SLC39A11: variants seen among roughly 807,000 people sequenced by gnomAD.
SLC39A11 encodes the protein zinc transporter ZIP11.
In SLC39A11, 33 loss-of-function variants were observed where a neutral mutation model predicts 36.1. The observed-to-expected ratio is 0.91, with a 90% CI of 0.69 to 1.22. The LOEUF is 1.22. SLC39A11 is among the 50% of genes most tolerant of loss of function. The pLI is 0.00. For synonymous variants in SLC39A11, 166 were observed against 170.3 expected (o/e 0.97, Z 0.20); for missense variants, 432 against 430.3 (o/e 1.00, Z -0.03).
intron 7 of SLC39A11, among the ~76,000 whole-genome samples, chr17:72,662,379 AAAG>A (rs2070469364): frequency 6.6e-6 from 1 of 151,154 alleles, no homozygotes; most frequent in African/African-American, 2.4e-5. Context: ...AAGGAAAAGA[AAAG>A]AAAGAAAAGG....
intron 5 of SLC39A11, among the ~76,000 whole-genome samples, chr17:72,871,033 T>G (rs1008234700): frequency 1.1e-4 from 16 of 151,044 alleles, no homozygotes; most frequent in South Asian, 2.1e-4. Flanking sequence ...TTTTGGTTTT[T>G]TTTGTTTGTT....
chr17:73,052,474 TGA>T (rs2059537921), intron 3 of SLC39A11, among the ~76,000 whole-genome samples: 1 of 149,058 alleles, frequency 6.7e-6, no homozygotes, highest in Non-Finnish European at 1.5e-5. Flanking sequence ...GAGAGGAGAG[TGA>T]GAGATTAAGT....
At chr17:73,025,283 T>C (rs1447514673) in intron 4 of SLC39A11, among the ~76,000 whole-genome samples, 1 of 151,946 alleles carries the variant, frequency 6.6e-6, no homozygotes. Context: ...TTGGGCAGCC[T>C]CCTCAAGATA....
intron 5 of SLC39A11, among the ~76,000 whole-genome samples, chr17:72,863,198 T>A (rs2080132426): frequency 6.6e-6 from 1 of 152,154 alleles, no homozygotes; most frequent in Non-Finnish European, 1.5e-5. Context: ...GTGGGGATCT[T>A]CACTTGGGCA....
At chr17:72,714,870 T>C (rs1249776317) in intron 7 of SLC39A11, among the ~76,000 whole-genome samples, 1 of 152,218 alleles carries the variant, frequency 6.6e-6, no homozygotes, top group Non-Finnish European at 1.5e-5. Flanking sequence ...AACGTGGCCG[T>C]ACTTGTGAAG....
chr17:72,861,679 ATATATATAT>A (rs1195496669), intron 5 of SLC39A11, among the ~76,000 whole-genome samples: 3 of 123,554 alleles, frequency 2.4e-5, no homozygotes, highest in Non-Finnish European at 5.0e-5. Context: ...ATATATATAT[ATATATATAT>A]AAAATATATA....
At chr17:72,908,991 C>A (rs993220573) in intron 5 of SLC39A11, among the ~76,000 whole-genome samples, 1 of 152,196 alleles carries the variant, frequency 6.6e-6, no homozygotes, top group African/African-American at 2.4e-5. Flanking sequence ...CAAACGGAAC[C>A]CCAAAGCTAA....
At chr17:72,803,934 G>T (rs976635869) in intron 6 of SLC39A11, among the ~76,000 whole-genome samples, 42 of 147,968 alleles carry the variant, frequency 2.8e-4, no homozygotes, top group Admixed American at 6.2e-4. Flanking sequence ...TCTTACACAT[G>T]AATACCCTAT....
chr17:72,705,790 T>C (rs949242883), intron 7 of SLC39A11, among the ~76,000 whole-genome samples: 3 of 152,244 alleles, frequency 2.0e-5, no homozygotes, highest in Non-Finnish European at 2.9e-5. Context: ...ACTGTGAGCC[T>C]ACCGTCGACA....
chr17:72,921,511 A>G (rs2147263220), intron 5 of SLC39A11, among the ~76,000 whole-genome samples: 1 of 152,362 alleles, frequency 6.6e-6, no homozygotes, highest in South Asian at 2.1e-4. Flanking sequence ...TATAGTATGA[A>G]GAATGCATGA....
At chr17:72,721,498 G>A (rs1373513991) in intron 7 of SLC39A11, among the ~76,000 whole-genome samples, 3 of 152,138 alleles carry the variant, frequency 2.0e-5, no homozygotes, top group African/African-American at 7.2e-5. Context: ...GTCCATGTGT[G>A]ATGATTCAAG....
intron 4 of SLC39A11, among the ~76,000 whole-genome samples, chr17:72,972,394 C>A (rs1224719795): frequency 1.3e-5 from 2 of 152,136 alleles, no homozygotes; most frequent in African/African-American, 4.8e-5. Context: ...CCGATCCAAT[C>A]GTAAACCTAA....
At chr17:72,810,952 C>T (rs1405926251) in intron 6 of SLC39A11, among the ~76,000 whole-genome samples, 1 of 152,046 alleles carries the variant, frequency 6.6e-6, no homozygotes, top group Non-Finnish European at 1.5e-5. Context: ...CCTTGGCCTC[C>T]CAAAATGCTG....
chr17:72,682,238 G>C (rs2071539711), intron 7 of SLC39A11, among the ~76,000 whole-genome samples: 1 of 152,112 alleles, frequency 6.6e-6, no homozygotes, highest in Non-Finnish European at 1.5e-5. Flanking sequence ...CAATGTGATT[G>C]TAATAAAAAT....
rs138322291 is a variant in SLC39A11, at chr17:72,868,070, C to G, written c.431-18266G>C. Among the ~76,000 whole-genome samples the G allele has an allele frequency of 2.6e-4, 40 of 152,372 alleles. No individual in the cohort carries two copies. The East Asian group carries it at 7.5e-3, about 29-fold the overall frequency. On this transcript the variant is annotated intron_variant, in intron 5 of 9. Coordinates refer to ENST00000255559, the MANE Select transcript of SLC39A11 (RefSeq NM_139177.4). The stretch of plus-strand genomic sequence containing the variant: ...ATAGAAGTTTTCCTACTCACACACC[C>G]TGGGCAAAGCCCTGATCACTTGTGG...
rs921273633 is a variant in SLC39A11 at position 72,646,846 on chromosome 17, C to T, written c.*738G>A. ...GGAATCCATTGACAGCAGAGGCCTCCGAACAAACCCACACTCTGTCTGTCT... is the reference window on the plus strand; with the variant it reads ...GGAATCCATTGACAGCAGAGGCCTCTGAACAAACCCACACTCTGTCTGTCT... On this transcript the variant is annotated 3_prime_UTR_variant, in exon 10 of 10. Coordinates refer to ENST00000255559, the MANE Select transcript of SLC39A11 (RefSeq NM_139177.4). 28 of 152,020 alleles carry T rather than the reference C, an allele frequency of 1.8e-4. No individual in the cohort carries two copies. Among genetic ancestry groups the T allele is most frequent in the African/African-American group, 6.5e-4 (27 of 41,266 alleles). 9.4% of individuals were successfully genotyped at this position (152,020 alleles called of 1,614,324 possible).
chr17:72,737,747 C>A (rs1213450193), intron 6 of SLC39A11, among the ~76,000 whole-genome samples: 1 of 152,116 alleles, frequency 6.6e-6, no homozygotes, highest in Non-Finnish European at 1.5e-5. Context: ...ACATCTTTCC[C>A]AGCATCCCTC....
At chr17:72,906,577 C>T (rs7502006) in intron 5 of SLC39A11, among the ~76,000 whole-genome samples, 98,312 of 152,146 alleles carry the variant, frequency 0.65, 33,934 homozygotes, top group African/African-American at 0.91. Context: ...GCTGGCCTGC[C>T]TTGCTGTGAG....
chr17:72,702,552 C>A (rs776466754), intron 7 of SLC39A11, among the ~76,000 whole-genome samples: 1 of 152,106 alleles, frequency 6.6e-6, no homozygotes, highest in South Asian at 2.1e-4. Context: ...TCAAAGTACA[C>A]GACAGTGCCA....
Sources: allele counts gnomAD v4.1 joint callset (sites outside exome capture counted in the v4.1 genomes callset), GRCh38; gene constraint gnomAD v4.1.1; transcripts MANE v1.5; gene names NCBI Gene and HGNC (gene_info 2026-07-23, HGNC 2026-07-21).